FAM220A: variants seen among roughly 807,000 people sequenced by gnomAD.
FAM220A encodes the protein family with sequence similarity 220 member A.
For missense variants in FAM220A, 392 were observed against 321.6 expected (o/e 1.22, Z -1.68); for synonymous variants, 141 against 130.7 (o/e 1.08, Z -0.54).
chr7:6,334,125 C>T (rs866475512), intron 1 of FAM220A, among the ~76,000 whole-genome samples: 18 of 151,572 alleles, frequency 1.2e-4, no homozygotes, highest in Non-Finnish European at 1.6e-4. Flanking sequence ...GGATTACAAG[C>T]GTGAGCCACC....
chr7:6,338,083 C>T (rs559345898), intron 1 of FAM220A, among the ~76,000 whole-genome samples: 4 of 152,248 alleles, frequency 2.6e-5, no homozygotes, highest in South Asian at 2.1e-4. Context: ...CGATTACAGG[C>T]GTGAGCCACT....
intron 1 of FAM220A, among the ~76,000 whole-genome samples, chr7:6,344,013 G>C (rs1331497922): frequency 6.6e-6 from 1 of 152,052 alleles, no homozygotes; most frequent in African/African-American, 2.4e-5. Flanking sequence ...AGCCTCCCAA[G>C]TAGCTGGGAC....
intron 1 of FAM220A, among the ~76,000 whole-genome samples, chr7:6,339,719 C>A (rs1259568710): frequency 6.6e-6 from 1 of 152,112 alleles, no homozygotes; most frequent in Admixed American, 6.6e-5. Flanking sequence ...GATCCACCCA[C>A]CTCAGCCTCC....
At chr7:6,345,733 G>C (rs1042178712) in intron 1 of FAM220A, among the ~76,000 whole-genome samples, 5 of 151,958 alleles carry the variant, frequency 3.3e-5, no homozygotes, top group African/African-American at 1.2e-4. Context: ...TGCCCTCAAA[G>C]TTTCTTTTTT....
intron 1 of FAM220A, among the ~76,000 whole-genome samples, chr7:6,341,529 A>AT (rs1347344935): frequency 1.3e-5 from 2 of 149,326 alleles, no homozygotes; most frequent in South Asian, 2.1e-4. Flanking sequence ...CTAAAAAAAA[A>AT]TTTTTTTTAA....
chr7:6,348,861 C>A lies in FAM220A; in HGVS notation c.-370G>T, dbSNP rs1419934174. 1 of 388,500 alleles carries A rather than the reference C, an allele frequency of 2.6e-6. No individual in the cohort carries two copies. The highest frequency in any genetic ancestry group is 4.5e-5 in the Admixed American group (1 of 22,086). The allele number at this position is 388,500 out of a possible 1,614,324, so 24.1% of individuals were successfully genotyped here. ...CGTGCTCAGGGAGCGAAGGAGGCGGCGGCTAGACCGGCGGGCGGGCGGGCC... is the reference window on the plus strand; with the variant it reads ...CGTGCTCAGGGAGCGAAGGAGGCGGAGGCTAGACCGGCGGGCGGGCGGGCC... On this transcript the variant is annotated 5_prime_UTR_variant, in exon 1 of 2. Coordinates refer to ENST00000313324, the MANE Select transcript of FAM220A (RefSeq NM_001037163.2).
At chr7:6,347,536 C>A (rs1039048761) in intron 1 of FAM220A, among the ~76,000 whole-genome samples, 2 of 151,678 alleles carry the variant, frequency 1.3e-5, no homozygotes, top group East Asian at 1.9e-4. Context: ...AAAAGAGATA[C>A]CAATTTTTTA....
intron 1 of FAM220A, among the ~76,000 whole-genome samples, chr7:6,340,965 TAAAA>T (rs149288000): frequency 1.1e-5 from 1 of 87,438 alleles, no homozygotes. Flanking sequence ...CTGTCTCTAC[TAAAA>T]AAAAAAAAAA....
rs1283589079 is a variant in FAM220A at position 6,330,745 on chromosome 7, G to T, written c.410C>A (p.Ala137Asp). The change falls in exon 2 of 2, where the codon GCC becomes GAC. Residue 137 changes from alanine (A) to aspartate (D), a missense_variant. By Grantham distance (126) the Ala-to-Asp change is moderately radical (BLOSUM62 -2). Coordinates refer to ENST00000313324, the MANE Select transcript of FAM220A (RefSeq NM_001037163.2). ...RRDWLGGGPR[A>D]TDGHRGQCPK... Reference sequence around the variant, plus strand: ...GCACTGTCCTCTGTGGCCGTCAGTGGCCCTGGGCCCTCCTCCCAGCCAGTC... The same window carrying T: ...GCACTGTCCTCTGTGGCCGTCAGTGTCCCTGGGCCCTCCTCCCAGCCAGTC... 1 of 1,614,136 alleles carries T rather than the reference G, an allele frequency of 6.2e-7. No homozygotes were observed.
rs112941224 is a variant in FAM220A at position 6,345,968 on chromosome 7, C to T, written c.-82+2605G>A. Among the ~76,000 whole-genome samples, 101 of 151,994 alleles carry T rather than the reference C, an allele frequency of 6.6e-4. 1 individual carries two copies. The highest frequency in any genetic ancestry group is 2.3e-3 in the African/African-American group (95 of 41,436). On this transcript the variant is annotated intron_variant, in intron 1 of 1. Transcript: ENST00000313324. Reference sequence around the variant, plus strand: ...ATTTTTAGTAGAGATGGGGTTTTGCCATATTGTCCAGGCTGGTCTTAAACT... The same window carrying T: ...ATTTTTAGTAGAGATGGGGTTTTGCTATATTGTCCAGGCTGGTCTTAAACT...
intron 1 of FAM220A, among the ~76,000 whole-genome samples, chr7:6,334,623 C>A (rs551367951): frequency 6.6e-6 from 1 of 151,924 alleles, no homozygotes; most frequent in South Asian, 2.1e-4. Context: ...CACACCGCCA[C>A]GCCCGGCTAA....
At chr7:6,343,770 T>G (rs1781907768) in intron 1 of FAM220A, among the ~76,000 whole-genome samples, 1 of 152,092 alleles carries the variant, frequency 6.6e-6, no homozygotes, top group South Asian at 2.1e-4. Flanking sequence ...TTAAAATGCC[T>G]CACTGCCCTA....
chr7:6,342,780 T>C (rs1245951295), intron 1 of FAM220A, among the ~76,000 whole-genome samples: 1 of 152,060 alleles, frequency 6.6e-6, no homozygotes, highest in Non-Finnish European at 1.5e-5. Flanking sequence ...CTCACACTTG[T>C]AATCTCAGCA....
chr7:6,333,087 G>A (rs1781669270), intron 1 of FAM220A, among the ~76,000 whole-genome samples: 1 of 151,216 alleles, frequency 6.6e-6, no homozygotes. Flanking sequence ...AACCCGGGAG[G>A]CAGAGGTTGC....
At chr7:6,334,794 G>C (rs1328748576) in intron 1 of FAM220A, among the ~76,000 whole-genome samples, 1 of 120,840 alleles carries the variant, frequency 8.3e-6, no homozygotes, top group Non-Finnish European at 1.7e-5. Flanking sequence ...TTTTGAAATG[G>C]AGTTTCACTC....
chr7:6,344,173 T>C (rs528285535), intron 1 of FAM220A, among the ~76,000 whole-genome samples: 1 of 150,268 alleles, frequency 6.7e-6, no homozygotes, highest in South Asian at 2.1e-4. Context: ...GGCGTGGGGC[T>C]GTCCCCCTTA....
Position 6,347,883 on chromosome 7 carries a change from TTTATTATTATTA to T in FAM220A, c.-82+678_-82+689del, listed in dbSNP as rs143253434. On this transcript the variant is annotated intron_variant, in intron 1 of 1. Coordinates refer to ENST00000313324, the MANE Select transcript of FAM220A (RefSeq NM_001037163.2). ...AGCCTGGGCAACATAACGAGACCCCTTTATTATTATTATTATTATTATTATTATTATTATTAT... is the reference window on the plus strand; with the variant it reads ...AGCCTGGGCAACATAACGAGACCCCTTTATTATTATTATTATTATTATTAT... Among the ~76,000 whole-genome samples the T allele has an allele frequency of 2.3e-3, 302 of 131,530 alleles. 4 individuals are homozygous for T. The highest frequency in any genetic ancestry group is 3.6e-3 in the African/African-American group (127 of 35,520). The allele number at this position is 131,530 out of a possible 152,430, so 86.3% of individuals were successfully genotyped here.
At chr7:6,347,830 G>C (rs1418830447) in intron 1 of FAM220A, among the ~76,000 whole-genome samples, 2 of 151,090 alleles carry the variant, frequency 1.3e-5, no homozygotes, top group Non-Finnish European at 2.9e-5. Flanking sequence ...AAGATGGGAG[G>C]ATCTCTTGAG....
At position 6,337,961 on chromosome 7, in the gene FAM220A, G is replaced by A. The variant is rs138372934; in HGVS notation, c.-81-6726C>T. Among the ~76,000 whole-genome samples the A allele has an allele frequency of 9.5e-3, 1,444 of 151,494 alleles. 20 individuals are homozygous for A. Among genetic ancestry groups the A allele is most frequent in the Non-Finnish European group, 0.014 (980 of 67,988 alleles). ...TGGTACTACAGGCACCAGCTGCCAC[G>A]CCCAGCTAATTTTTGTATTTTCAGT... On this transcript the variant is annotated intron_variant, in intron 1 of 1. Transcript: ENST00000313324.
Sources: allele counts gnomAD v4.1 joint callset (sites outside exome capture counted in the v4.1 genomes callset), GRCh38; gene constraint gnomAD v4.1.1; transcripts MANE v1.5; gene names NCBI Gene and HGNC (gene_info 2026-07-23, HGNC 2026-07-21).